CRACDL: variants seen among roughly 807,000 people sequenced by gnomAD.
CRACDL encodes the protein CRACD-like protein.
CRACDL carries 26 observed loss-of-function variants against 70.6 expected under a neutral mutation model. The observed-to-expected ratio is 0.37, with a 90% CI of 0.27 to 0.51. The LOEUF is 0.51. Ranked by LOEUF, CRACDL falls within the 20% of genes least tolerant of loss-of-function variation. CRACDL has a pLI of 0.94. For synonymous variants in CRACDL, 618 were observed against 615.2 expected, an observed-to-expected ratio of 1.00 and a Z score of -0.07; for missense variants, 1,283 against 1,376.9, an observed-to-expected ratio of 0.93 and a Z score of 1.08.
Position 98,822,401 on chromosome 2 carries a change from G to A in CRACDL, c.1872C>T (p.His624=). 4 of 1,482,292 alleles carry A rather than the reference G, an allele frequency of 2.7e-6. No individual in the cohort carries two copies. Among genetic ancestry groups the A allele is most frequent in the East Asian group, 2.9e-5 (1 of 34,920 alleles). 91.8% of individuals were successfully genotyped at this position (1,482,292 alleles called of 1,614,324 possible). ...CCAGCTTCCGAGGGCCAGGTTTCGC[G>A]TGCTGGGGCTCGGGGAGACCCTGGA... is the stretch of plus-strand genomic sequence containing the variant. ...DDLQGLPEPQ[H]AKPGPRKLAE... Residue 624 remains histidine (H), a synonymous_variant, in exon 7 of 10, where the codon CAC becomes CAT. Coordinates refer to ENST00000397899, the MANE Select transcript of CRACDL (RefSeq NM_207362.3). The surrounding 1 kb of genome is among the most constrained non-coding windows in gnomAD (Gnocchi z 4.9).
chr2:98,843,694 TGAAC>T (rs1291427158), intron 2 of CRACDL, among the ~76,000 whole-genome samples: 1 of 152,246 alleles, frequency 6.6e-6, no homozygotes. Flanking sequence ...GGTCTGTTTT[TGAAC>T]TCTACTCCCT....
At chr2:98,915,249 G>A (rs893742838) in intron 1 of CRACDL, among the ~76,000 whole-genome samples, 5 of 152,210 alleles carry the variant, frequency 3.3e-5, no homozygotes, top group African/African-American at 4.8e-5. Context: ...AGAGGTGCTG[G>A]CCACCTGCCC....
intron 1 of CRACDL, among the ~76,000 whole-genome samples, chr2:98,874,003 C>T (rs1707417457): frequency 6.6e-6 from 1 of 152,134 alleles, no homozygotes; most frequent in African/African-American, 2.4e-5. Context: ...GAGACTCTGT[C>T]TCAAAAATAA....
chr2:98,887,795 G>C (rs919756445), intron 1 of CRACDL, among the ~76,000 whole-genome samples: 46 of 152,276 alleles, frequency 3.0e-4, no homozygotes, highest in African/African-American at 1.1e-3. Flanking sequence ...GATAAAATTA[G>C]TAACTGATTT....
chr2:98,803,991 C>T (rs1425147775), intron 7 of CRACDL, among the ~76,000 whole-genome samples: 2 of 152,176 alleles, frequency 1.3e-5, no homozygotes, highest in African/African-American at 4.8e-5. Context: ...CCTAGATAAA[C>T]AGCTTGAGGG....
At chr2:98,921,222 C>T (rs1279554290) in intron 1 of CRACDL, among the ~76,000 whole-genome samples, 2 of 152,242 alleles carry the variant, frequency 1.3e-5, no homozygotes, top group African/African-American at 4.8e-5. Flanking sequence ...AGAGCAGATT[C>T]ACCTGCAAAG....
intron 3 of CRACDL, among the ~76,000 whole-genome samples, chr2:98,835,299 C>T (rs572444346): frequency 2.6e-5 from 4 of 152,332 alleles, no homozygotes; most frequent in Non-Finnish European, 4.4e-5. Flanking sequence ...GTAATCATCG[C>T]CCCTGGCAGC....
chr2:98,838,080 T>C (rs1315647869), intron 3 of CRACDL, 39 bp downstream of exon 3: 2 of 1,545,276 alleles, frequency 1.3e-6, no homozygotes, highest in Admixed American at 2.0e-5. Context: ...ATCATGTATT[T>C]AGGTGCTCCT....
chr2:98,934,954 C>T (rs915371122), intron 1 of CRACDL, among the ~76,000 whole-genome samples: 7 of 152,214 alleles, frequency 4.6e-5, no homozygotes, highest in Non-Finnish European at 8.8e-5. Flanking sequence ...CAGCTCCACA[C>T]GACACTGTCT....
At chr2:98,889,134 A>G (rs1183345741) in intron 1 of CRACDL, among the ~76,000 whole-genome samples, 20 of 148,528 alleles carry the variant, frequency 1.3e-4, no homozygotes, top group South Asian at 1.1e-3. Context: ...CAAAAAAAAA[A>G]GGGGGGGGAA....
At chr2:98,840,695 C>T (rs1043440112) in intron 2 of CRACDL, 3 of 152,044 alleles carry the variant, frequency 2.0e-5, no homozygotes, top group Non-Finnish European at 2.9e-5. Flanking sequence ...CTGCAAAAAC[C>T]GGAAAGCCTT....
intron 1 of CRACDL, among the ~76,000 whole-genome samples, chr2:98,861,278 T>A (rs1706924747): frequency 6.6e-6 from 1 of 151,812 alleles, no homozygotes; most frequent in Non-Finnish European, 1.5e-5. Context: ...ACCTGGGAGG[T>A]GGAGGTTGCA....
At chr2:98,919,002 G>C (rs1274911299) in intron 1 of CRACDL, among the ~76,000 whole-genome samples, 2 of 152,026 alleles carry the variant, frequency 1.3e-5, no homozygotes, top group East Asian at 3.9e-4. Flanking sequence ...TGAATTCTTT[G>C]CCTAGATCAA....
At chr2:98,916,340 C>A (rs1329985369) in intron 1 of CRACDL, among the ~76,000 whole-genome samples, 1 of 152,086 alleles carries the variant, frequency 6.6e-6, no homozygotes, top group Non-Finnish European at 1.5e-5. Flanking sequence ...TACAGGGGAT[C>A]TGGGGAGGGA....
At chr2:98,925,486 C>T (rs1449057467) in intron 1 of CRACDL, among the ~76,000 whole-genome samples, 2 of 152,184 alleles carry the variant, frequency 1.3e-5, no homozygotes, top group African/African-American at 2.4e-5. Context: ...AGAGGTGAAG[C>T]AATCATGGCA....
In CRACDL at chr2:98,795,077, A is replaced by ATTTTTT. The variant is rs1181969802; in HGVS notation, c.2750-412_2750-407dup. 2.9e-4 allele frequency among the ~76,000 whole-genome samples: 17 copies of ATTTTTT among 58,472 alleles called. 1 individual carries two copies. Among genetic ancestry groups the ATTTTTT allele is most frequent in the East Asian group, 6.1e-4 (1 of 1,634 alleles). The allele number at this position is 58,472 out of a possible 152,430, so 38.4% of individuals were successfully genotyped here. A position where few individuals can be genotyped will look rare whatever the true frequency, so the allele number is the denominator to read the frequency against. On this transcript the variant is annotated intron_variant, in intron 9 of 9. Coordinates refer to ENST00000397899, the MANE Select transcript of CRACDL (RefSeq NM_207362.3). ...TATATATATATATATATATATATAT[A>ATTTTTT]TTTTTTTTTTTTTTTGAGACAGAAG...
chr2:98,905,249 CAA>C (rs749724315), intron 1 of CRACDL, among the ~76,000 whole-genome samples: 13 of 61,702 alleles, frequency 2.1e-4, no homozygotes, highest in Admixed American at 4.1e-4. Context: ...GACTCTGTCT[CAA>C]AAAAAAAAAA....
chr2:98,814,125 G>T (rs1704685073), intron 7 of CRACDL, among the ~76,000 whole-genome samples: 1 of 151,276 alleles, frequency 6.6e-6, no homozygotes, highest in African/African-American at 2.4e-5. Context: ...CCATCTTTTG[G>T]TTTCATCAAT....
chr2:98,899,144 G>A (rs559702061), intron 1 of CRACDL, among the ~76,000 whole-genome samples: 8 of 152,238 alleles, frequency 5.3e-5, no homozygotes, highest in African/African-American at 1.9e-4. Flanking sequence ...GTGGTGGCAG[G>A]AACATGAAAT....
Sources: gnomAD v4.1 joint callset for allele counts (sites outside exome capture counted in the v4.1 genomes callset) on GRCh38, gnomAD v4.1.1 for gene constraint, Gnocchi (gnomAD v3.1) non-coding constraint, MANE v1.5 for transcripts, NCBI Gene and HGNC (gene_info 2026-07-23, HGNC 2026-07-21) for gene names.